Variants in OR10D3 observed in about 807,000 individuals in gnomAD.
The protein encoded by OR10D3 is olfactory receptor 10D3.
For synonymous variants in OR10D3, 100 were observed against 57.6 expected, an observed-to-expected ratio of 1.74 and a Z score of -3.33; for missense variants, 286 against 153.7, an observed-to-expected ratio of 1.86 and a Z score of -4.55.
intron 1 of OR10D3, among the ~76,000 whole-genome samples, chr11:124,184,641 A>G (rs1861198883): frequency 6.6e-6 from 1 of 152,210 alleles, no homozygotes; most frequent in African/African-American, 2.4e-5. Context: ...ACCAAGAACT[A>G]GCTGCCTTAA....
intron 1 of OR10D3, among the ~76,000 whole-genome samples, chr11:124,184,793 G>A (rs1231413354): frequency 6.6e-6 from 1 of 152,172 alleles, no homozygotes. Context: ...CAACCTTTAT[G>A]ATTCCCTTAA....
At chr11:124,186,440 T>G in exon 2 of OR10D3, 1 of 348,872 alleles carries the variant, frequency 2.9e-6, no homozygotes, top group East Asian at 4.6e-5. Context: ...TTATTGTTAC[T>G]TTGCCTTTCT....
chr11:124,186,428 G>A lies in OR10D3; in HGVS notation c.*220G>A, dbSNP rs1272478932. The A allele has an allele frequency of 2.4e-5, 8 of 331,388 alleles. No homozygotes were observed. In the East Asian group the frequency reaches 4.0e-4, roughly 17 times the overall value. The allele number at this position is 331,388 out of a possible 1,614,324, so 20.5% of individuals were successfully genotyped here. A position where few individuals can be genotyped will look rare whatever the true frequency, so the allele number is the denominator to read the frequency against. ...CCTATCTTCAAAGTCATATAGTCTTGTTTATTGTTACTTTGCCTTTCTTCT... is the reference window on the plus strand; with the variant it reads ...CCTATCTTCAAAGTCATATAGTCTTATTTATTGTTACTTTGCCTTTCTTCT... On this transcript the variant is annotated 3_prime_UTR_variant, in exon 2 of 2. Transcript: ENST00000641351.
rs142681201 is a variant in OR10D3, at chr11:124,187,169, T to C, written c.*961T>C. 10 of 152,346 alleles carry C rather than the reference T, an allele frequency of 6.6e-5. No homozygotes were observed. In the East Asian group the frequency reaches 1.9e-3, roughly 29 times the overall value. The allele number at this position is 152,346 out of a possible 1,614,324, so 9.4% of individuals were successfully genotyped here. A position where few individuals can be genotyped will look rare whatever the true frequency, so the allele number is the denominator to read the frequency against. On this transcript the variant is annotated 3_prime_UTR_variant, in exon 2 of 2. Transcript: ENST00000641351. ...TGTATCTTTTGTTTCTACCCATAAC[T>C]TTAAAGGTGTTTCTGCCTTTTCTTT...
chr11:124,186,734 T>C (rs767069822), exon 2 of OR10D3: 10 of 152,930 alleles, frequency 6.5e-5, no homozygotes, highest in Admixed American at 1.3e-4. Flanking sequence ...GCAAGGATGT[T>C]CATCCCATGT....
exon 2 of OR10D3, chr11:124,188,036 G>A (rs138863561): frequency 1.6e-4 from 24 of 152,232 alleles, no homozygotes; most frequent in African/African-American, 5.5e-4. Context: ...ATCCATGCCA[G>A]CCCAAGAAGC....
exon 2 of OR10D3, chr11:124,188,738 G>A (rs1467983351): frequency 6.6e-6 from 1 of 152,160 alleles, no homozygotes; most frequent in African/African-American, 2.4e-5. Context: ...CATTCCAGAG[G>A]AATGGTAATA....
At chr11:124,185,874 A>G (rs2466584) in exon 2 of OR10D3, 111,521 of 703,262 alleles carry the variant, frequency 0.16, 10,072 homozygotes, top group South Asian at 0.29. Context: ...AGCTTCACCA[A>G]CGTTGGCCTC....
chr11:124,184,888 G>T (rs1344362481), intron 1 of OR10D3, among the ~76,000 whole-genome samples: 1 of 152,138 alleles, frequency 6.6e-6, no homozygotes, highest in East Asian at 1.9e-4. Context: ...TATCTCCAGT[G>T]ATATAAAAAA....
chr11:124,186,018 G>A lies in OR10D3; in HGVS notation c.749G>A (p.Cys250Tyr), dbSNP rs776508501. 8.4e-5 allele frequency: 59 copies of A among 703,464 alleles called. 1 individual carries two copies. The highest frequency in any genetic ancestry group is 3.1e-5 in the Non-Finnish European group (12 of 385,076). The allele number at this position is 703,464 out of a possible 1,614,324, so 43.6% of individuals were successfully genotyped here. Reference sequence around the variant, plus strand: ...AGTGCTCACCTCATTGCCATCCTCTGTGCCTATGGGCCCATCATCACTGTC... The same window carrying A: ...AGTGCTCACCTCATTGCCATCCTCTATGCCTATGGGCCCATCATCACTGTC... The change falls in exon 2 of 2, where the codon TGT (cysteine) becomes TAT (tyrosine). Residue 250 changes from cysteine (C) to tyrosine (Y), a missense_variant. Transcript: ENST00000641351.
At chr11:124,187,135 A>G (rs1421363805) in exon 2 of OR10D3, 2 of 152,148 alleles carry the variant, frequency 1.3e-5, no homozygotes, top group East Asian at 3.8e-4. Flanking sequence ...AAGATTAAAA[A>G]CTATGATGTG....
At chr11:124,186,024 A>G (rs866541448) in exon 2 of OR10D3, 27 of 703,320 alleles carry the variant, frequency 3.8e-5, no homozygotes, top group Middle Eastern at 2.3e-4. Context: ...CTCTGTGCCT[A>G]TGGGCCCATC....
At chr11:124,186,851 T>C (rs961117944) in exon 2 of OR10D3, 3 of 152,236 alleles carry the variant, frequency 2.0e-5, no homozygotes, top group South Asian at 4.1e-4. Flanking sequence ...TAGATTTGGG[T>C]CTGTTTCCAT....
chr11:124,185,629 T>C (rs1861213631), exon 2 of OR10D3: 1 of 703,526 alleles, frequency 1.4e-6, no homozygotes, highest in South Asian at 1.5e-5. Context: ...TGATGGCCTA[T>C]GACCGCTTCA....
At chr11:124,187,499 G>T (rs1861239270) in exon 2 of OR10D3, 1 of 151,986 alleles carries the variant, frequency 6.6e-6, no homozygotes, top group Non-Finnish European at 1.5e-5. Context: ...AACTGCCTAG[G>T]GTACACATAA....
chr11:124,183,555 C>A (rs1158429231), intron 1 of OR10D3, among the ~76,000 whole-genome samples, 172 bp downstream of exon 1: 2 of 124,326 alleles, frequency 1.6e-5, no homozygotes, highest in African/African-American at 3.1e-5. Context: ...TCCCTCCTTC[C>A]CTCCTTCCCT....
chr11:124,184,872 G>A (rs184697954), intron 1 of OR10D3, among the ~76,000 whole-genome samples: 4 of 152,200 alleles, frequency 2.6e-5, no homozygotes, highest in Non-Finnish European at 5.9e-5. Context: ...CCCGAATTGT[G>A]GTTCATATCT....
exon 2 of OR10D3, chr11:124,186,151 A>G (rs1217790627): frequency 1.4e-6 from 1 of 702,892 alleles, no homozygotes; most frequent in African/African-American, 1.7e-5. Context: ...GGAATAAGGA[A>G]GTAAAAACAG....
exon 2 of OR10D3, chr11:124,185,680 C>T (rs1379881712): frequency 1.4e-6 from 1 of 703,718 alleles, no homozygotes; most frequent in South Asian, 1.5e-5. Flanking sequence ...TCATCATGAA[C>T]CCAAGGATCT....
Sources: allele counts gnomAD v4.1 joint callset (sites outside exome capture counted in the v4.1 genomes callset), GRCh38; gene constraint gnomAD v4.1.1; transcripts MANE v1.5; gene names NCBI Gene and HGNC (gene_info 2026-07-23, HGNC 2026-07-21).